DOCK3: variants seen among roughly 807,000 people sequenced by gnomAD.
The protein encoded by DOCK3 is dedicator of cytokinesis protein 3.
In DOCK3, 60 loss-of-function variants were observed where a neutral mutation model predicts 265.6. The ratio of observed to expected loss-of-function variants is 0.23; its 90% CI spans 0.18 to 0.28. The LOEUF is 0.28. Among genes scored for constraint, DOCK3 ranks in the 10% least tolerant of loss-of-function variants. The probability of loss-of-function intolerance (pLI) is 1.00; values close to 1 mark genes in which losing one functional copy is unlikely to be tolerated. For synonymous variants in DOCK3, 881 were observed against 938.0 expected, an observed-to-expected ratio of 0.94 and a Z score of 1.11; for missense variants, 1,981 against 2,594.3, an observed-to-expected ratio of 0.76 and a Z score of 5.14.
chr3:50,937,373 G>A (rs1160131566), intron 5 of DOCK3, among the ~76,000 whole-genome samples: 9 of 151,762 alleles, frequency 5.9e-5, no homozygotes, highest in Middle Eastern at 3.4e-3. Flanking sequence ...TAAAACATTC[G>A]GCTGGGCACG....
intron 4 of DOCK3, among the ~76,000 whole-genome samples, chr3:50,895,411 T>C (rs550195845): frequency 2.6e-5 from 4 of 151,378 alleles, no homozygotes; most frequent in African/African-American, 9.7e-5. Flanking sequence ...TTTAAGGAAA[T>C]TATATTTATT....
intron 35 of DOCK3, among the ~76,000 whole-genome samples, chr3:51,335,790 G>A (rs1434285191): frequency 6.6e-6 from 1 of 152,150 alleles, no homozygotes; most frequent in Non-Finnish European, 1.5e-5. Flanking sequence ...TCAGGAGTTT[G>A]AGACCAGCCT....
intron 1 of DOCK3, among the ~76,000 whole-genome samples, chr3:50,767,677 G>A (rs1229435544): frequency 1.3e-5 from 2 of 152,104 alleles, no homozygotes; most frequent in Admixed American, 6.6e-5. Flanking sequence ...TAGCTTGATG[G>A]GGATGGCATT....
chr3:50,914,510 T>C (rs1352354462), intron 4 of DOCK3, among the ~76,000 whole-genome samples: 1 of 152,132 alleles, frequency 6.6e-6, no homozygotes. Flanking sequence ...ACTTTGAAAG[T>C]TTTTCTTGTT....
At chr3:50,927,556 C>G (rs981597416) in intron 4 of DOCK3, among the ~76,000 whole-genome samples, 4 of 152,060 alleles carry the variant, frequency 2.6e-5, no homozygotes, top group Non-Finnish European at 5.9e-5. Context: ...AACTATTATA[C>G]ATCCATAAAA....
rs2043060585 is a variant in DOCK3, at chr3:50,801,406, G to A, written c.121+22648G>A. On this transcript the variant is annotated intron_variant, in intron 2 of 52. Transcript: ENST00000266037. ...GGTAATTGGAATGAGTCAGGGTGGA[G>A]CAGATAATTGGAATGAGTCAGGGTG... Among the ~76,000 whole-genome samples the A allele has an allele frequency of 5.3e-5, 8 of 152,268 alleles. No homozygotes were observed. In the South Asian group the frequency reaches 1.7e-3, roughly 32 times the overall value.
chr3:51,257,230 G>C (rs890747923), intron 22 of DOCK3, among the ~76,000 whole-genome samples: 1 of 152,148 alleles, frequency 6.6e-6, no homozygotes, highest in Non-Finnish European at 1.5e-5. Flanking sequence ...TCAGATTTCA[G>C]CTTATAAGTC....
chr3:51,133,281 T>C (rs1320355065), intron 9 of DOCK3, among the ~76,000 whole-genome samples: 1 of 151,708 alleles, frequency 6.6e-6, no homozygotes, highest in African/African-American at 2.4e-5. Context: ...ATCATTTACA[T>C]TAGGTATTCC....
At chr3:51,067,817 A>G (rs1333769186) in intron 6 of DOCK3, among the ~76,000 whole-genome samples, 1 of 152,108 alleles carries the variant, frequency 6.6e-6, no homozygotes, top group Non-Finnish European at 1.5e-5. Flanking sequence ...TTTTCTTCCT[A>G]TTTTGAAAGA....
chr3:50,873,153 A>T (rs541451564), intron 3 of DOCK3, among the ~76,000 whole-genome samples: 117 of 152,284 alleles, frequency 7.7e-4, no homozygotes, highest in Admixed American at 7.6e-3. Flanking sequence ...TTTCCCCCGA[A>T]GCCAGCAAGT....
intron 9 of DOCK3, among the ~76,000 whole-genome samples, chr3:51,132,283 A>T (rs1169796168): frequency 6.6e-6 from 1 of 152,072 alleles, no homozygotes; most frequent in Admixed American, 6.6e-5. Flanking sequence ...ATCCATTCCC[A>T]TCCTGTTCTC....
intron 3 of DOCK3, among the ~76,000 whole-genome samples, chr3:50,885,650 G>T (rs1386873524): frequency 6.6e-6 from 1 of 152,112 alleles, no homozygotes. Flanking sequence ...TCCTATTAAT[G>T]CTGGTTAGGG....
At chr3:51,338,106 A>ATG (rs1204355791) in intron 35 of DOCK3, among the ~76,000 whole-genome samples, 1 of 152,166 alleles carries the variant, frequency 6.6e-6, no homozygotes, top group Non-Finnish European at 1.5e-5. Flanking sequence ...TAATACCCTG[A>ATG]TGTAGCTCTG....
chr3:51,365,973 C>A (rs2087124873), intron 49 of DOCK3, among the ~76,000 whole-genome samples: 1 of 152,120 alleles, frequency 6.6e-6, no homozygotes, highest in South Asian at 2.1e-4. Context: ...CTCTGCCAGC[C>A]TTTGTTATCA....
chr3:51,240,073 T>C (rs1019328675), intron 21 of DOCK3, among the ~76,000 whole-genome samples: 1 of 152,198 alleles, frequency 6.6e-6, no homozygotes, highest in East Asian at 1.9e-4. Context: ...CTTTTTGATT[T>C]GGGCATTCAG....
intron 12 of DOCK3, among the ~76,000 whole-genome samples, chr3:51,196,179 T>G (rs1371842785): frequency 1.3e-5 from 2 of 151,464 alleles, no homozygotes; most frequent in Non-Finnish European, 2.9e-5. Flanking sequence ...CAAGTAGGCC[T>G]CCTGCCTCAG....
chr3:51,312,500 G>A lies in DOCK3; in HGVS notation c.3118G>A (p.Ala1040Thr), dbSNP rs748740643. ...FKVWNSYFSL[A>T]VLFINQPSLQ... ...GGTGTGGAATTCTTACTTTAGCCTG[G>A]CAGTTCTATTCATAAATCAGCCAAG... Residue 1040 changes from alanine (A) to threonine (T), a missense_variant, in exon 30 of 53, where the codon GCA becomes ACA. Physicochemically the swap from Ala to Thr is moderately conservative, Grantham distance 58. Coordinates refer to ENST00000266037, the MANE Select transcript of DOCK3 (RefSeq NM_004947.5). 1.9e-6 allele frequency: 3 copies of A among 1,611,996 alleles called. No individual in the cohort carries two copies. The highest frequency in any genetic ancestry group is 2.5e-6 in the Non-Finnish European group (3 of 1,179,540).
intron 14 of DOCK3, among the ~76,000 whole-genome samples, chr3:51,217,449 C>G (rs188720762): frequency 6.6e-6 from 1 of 152,248 alleles, no homozygotes; most frequent in East Asian, 1.9e-4. Context: ...TGCTGGTGTT[C>G]TGGGAGCCAA....
At chr3:50,759,161 T>C (rs1457600134) in intron 1 of DOCK3, among the ~76,000 whole-genome samples, 1 of 152,186 alleles carries the variant, frequency 6.6e-6, no homozygotes, top group Non-Finnish European at 1.5e-5. Flanking sequence ...TAATATCAAA[T>C]TAAAATTAAA....
Sources: gnomAD v4.1 joint callset for allele counts (sites outside exome capture counted in the v4.1 genomes callset) on GRCh38, gnomAD v4.1.1 for gene constraint, MANE v1.5 for transcripts, NCBI Gene and HGNC (gene_info 2026-07-23, HGNC 2026-07-21) for gene names.